Variants in NAALADL2 observed in about 807,000 individuals in gnomAD.
The protein encoded by NAALADL2 is N-acetylated alpha-linked acidic dipeptidase like 2.
A neutral mutation model predicts 87.2 loss-of-function variants in NAALADL2; 76 were observed. That is an observed-to-expected ratio of 0.87 (90% CI 0.72 to 1.05). NAALADL2 has a LOEUF of 1.05. Ranked by LOEUF, NAALADL2 falls within the 50% of genes least tolerant of loss-of-function variation. The pLI is 0.00. For synonymous variants in NAALADL2, 354 were observed against 331.0 expected (o/e 1.07, Z -0.75); for missense variants, 1,089 against 945.8 (o/e 1.15, Z -1.99).
intron 1 of NAALADL2, among the ~76,000 whole-genome samples, chr3:175,007,549 C>T (rs1749202392): frequency 6.6e-6 from 1 of 152,058 alleles, no homozygotes. Flanking sequence ...TTTAGTATGT[C>T]TGGAATGAAA....
intron 2 of NAALADL2, among the ~76,000 whole-genome samples, chr3:174,553,161 C>G (rs901487677): frequency 6.6e-6 from 1 of 152,074 alleles, no homozygotes; most frequent in Non-Finnish European, 1.5e-5. Flanking sequence ...GTTGGAAATG[C>G]AAAATTAGCA....
chr3:175,025,317 A>T (rs1752087998), intron 1 of NAALADL2, among the ~76,000 whole-genome samples: 1 of 152,134 alleles, frequency 6.6e-6, no homozygotes, highest in Admixed American at 6.6e-5. Context: ...ACTGCCTACT[A>T]AAAAGCTATT....
At position 175,494,429 on chromosome 3, in the gene NAALADL2, G is replaced by C. The variant is rs181976746; in HGVS notation, c.1653+22671G>C. On this transcript the variant is annotated intron_variant, in intron 9 of 13. Coordinates refer to ENST00000454872, the MANE Select transcript of NAALADL2 (RefSeq NM_207015.3). ...TCTTTAAAATAAACCTGTAGCTTCAGGAGATCAAGGAAATTATACATTCCC... is the reference window on the plus strand; with the variant it reads ...TCTTTAAAATAAACCTGTAGCTTCACGAGATCAAGGAAATTATACATTCCC... 5.9e-5 allele frequency among the ~76,000 whole-genome samples: 9 copies of C among 152,136 alleles called. No homozygotes were observed. The South Asian group carries it at 6.2e-4, about 11-fold the overall frequency.
At chr3:175,512,830 G>A (rs1731342787) in intron 9 of NAALADL2, among the ~76,000 whole-genome samples, 3 of 152,154 alleles carry the variant, frequency 2.0e-5, no homozygotes, top group Non-Finnish European at 4.4e-5. Context: ...AAGGCGGCCA[G>A]CAGAAGCAAA....
At chr3:174,672,895 T>A (rs531141703) in intron 2 of NAALADL2, among the ~76,000 whole-genome samples, 1 of 117,660 alleles carries the variant, frequency 8.5e-6, no homozygotes, top group African/African-American at 3.4e-5. Flanking sequence ...TCCTAGGCCA[T>A]TATAAAGATT....
Position 175,754,480 on chromosome 3 carries a change from A to G in NAALADL2, c.1991-740A>G, listed in dbSNP as rs372544415. 4.6e-5 allele frequency among the ~76,000 whole-genome samples: 7 copies of G among 152,342 alleles called. No individual in the cohort carries two copies. In the South Asian group the frequency reaches 8.3e-4, roughly 18 times the overall value. On this transcript the variant is annotated intron_variant, in intron 12 of 13. Coordinates refer to ENST00000454872, the MANE Select transcript of NAALADL2 (RefSeq NM_207015.3). ...CAAACACAAACCTCCAAACTAAAAC[A>G]AAACAATGCAAACACTACATAAAAT...
At chr3:175,491,947 C>A (rs1273695346) in intron 9 of NAALADL2, among the ~76,000 whole-genome samples, 1 of 152,104 alleles carries the variant, frequency 6.6e-6, no homozygotes, top group African/African-American at 2.4e-5. Context: ...AGAAAAAATA[C>A]TTTTGATATT....
chr3:174,531,458 AG>A (rs1721233598), intron 1 of NAALADL2, among the ~76,000 whole-genome samples: 1 of 152,116 alleles, frequency 6.6e-6, no homozygotes, highest in Admixed American at 6.5e-5. Flanking sequence ...ATCTCTCCAA[AG>A]TCTGCTTTCT....
chr3:175,248,354 G>T (rs1197132010), intron 3 of NAALADL2, among the ~76,000 whole-genome samples: 1 of 152,160 alleles, frequency 6.6e-6, no homozygotes, highest in Admixed American at 6.5e-5. Context: ...ACAGTGCTGG[G>T]TATATAGAAT....
At chr3:175,724,731 T>C (rs1398596270) in intron 11 of NAALADL2, among the ~76,000 whole-genome samples, 1 of 152,116 alleles carries the variant, frequency 6.6e-6, no homozygotes, top group African/African-American at 2.4e-5. Flanking sequence ...GTGCCTTCAT[T>C]GTCTCTATAA....
At chr3:174,552,572 AT>A (rs1393034112) in intron 2 of NAALADL2, among the ~76,000 whole-genome samples, 1 of 151,980 alleles carries the variant, frequency 6.6e-6, no homozygotes, top group Non-Finnish European at 1.5e-5. Flanking sequence ...AGGCAGGCCT[AT>A]TGCCTGAGTG....
chr3:174,622,568 A>G (rs1400477388), intron 2 of NAALADL2, among the ~76,000 whole-genome samples: 7 of 152,194 alleles, frequency 4.6e-5, no homozygotes, highest in Non-Finnish European at 8.8e-5. Context: ...ACTGTTGACC[A>G]GAAGCCTTAC....
rs546616633 is a variant in NAALADL2, at chr3:174,579,466, T to C, written c.-115+28829T>C. Among the ~76,000 whole-genome samples, 5 of 152,124 alleles carry C rather than the reference T, an allele frequency of 3.3e-5. No individual in the cohort carries two copies. The East Asian group carries it at 9.6e-4, about 29-fold the overall frequency. On this transcript the variant is annotated intron_variant, in intron 2 of 3. Transcript: ENST00000434257. ...AAGAAGCTAGACTCCCAAGAGTATA[T>C]ATTGTCTACTTCCATTTATTTGAAA...
chr3:174,622,064 T>A (rs1028607223), intron 2 of NAALADL2, among the ~76,000 whole-genome samples: 1 of 152,178 alleles, frequency 6.6e-6, no homozygotes, highest in African/African-American at 2.4e-5. Context: ...ATGTGACAGC[T>A]GTCTGTGATC....
rs552737716 is a variant in NAALADL2, at chr3:174,974,308, AG to A, written c.43+114859del. On this transcript the variant is annotated intron_variant, in intron 1 of 13. Transcript: ENST00000454872. ...CTGTAAGGAAAACTCTATGACTTTTAGAGTGAGACTTATACAATTTTCTTTT... is the reference window on the plus strand; with the variant it reads ...CTGTAAGGAAAACTCTATGACTTTTAAGTGAGACTTATACAATTTTCTTTT... 3.5e-3 allele frequency among the ~76,000 whole-genome samples: 526 copies of A among 152,348 alleles called. 1 individual carries two copies. Among genetic ancestry groups the A allele is most frequent in the Non-Finnish European group, 5.7e-3 (387 of 68,020 alleles).
chr3:175,050,912 G>C (rs928784821), intron 1 of NAALADL2, among the ~76,000 whole-genome samples: 1 of 151,982 alleles, frequency 6.6e-6, no homozygotes, highest in Non-Finnish European at 1.5e-5. Context: ...AAAAAACTAG[G>C]GTTGTTTTAC....
chr3:175,302,951 A>G (rs998592633), intron 4 of NAALADL2, among the ~76,000 whole-genome samples: 1 of 152,072 alleles, frequency 6.6e-6, no homozygotes, highest in Non-Finnish European at 1.5e-5. Flanking sequence ...GAGAAAAATT[A>G]TGTTTCAAAG....
chr3:175,511,181 C>A (rs1731101025), intron 9 of NAALADL2, among the ~76,000 whole-genome samples: 1 of 152,112 alleles, frequency 6.6e-6, no homozygotes, highest in Admixed American at 6.5e-5. Context: ...GATAACCTGA[C>A]CCAAGCTAAT....
At chr3:174,619,205 T>C (rs1438296549) in intron 2 of NAALADL2, among the ~76,000 whole-genome samples, 1 of 151,980 alleles carries the variant, frequency 6.6e-6, no homozygotes, top group East Asian at 1.9e-4. Context: ...TGAAATTGTG[T>C]AAATTTAAAA....
Sources: allele counts gnomAD v4.1 joint callset (sites outside exome capture counted in the v4.1 genomes callset), GRCh38; gene constraint gnomAD v4.1.1; transcripts MANE v1.5; gene names NCBI Gene and HGNC (gene_info 2026-07-23, HGNC 2026-07-21).